Variants in EPHB1 observed in about 807,000 individuals in gnomAD.
EPHB1 encodes the protein EPH receptor B1, also known as ephrin type-B receptor 1.
A neutral mutation model predicts 94.4 loss-of-function variants in EPHB1; 30 were observed. The observed-to-expected ratio is 0.32, with a 90% CI of 0.24 to 0.43. The LOEUF (loss-of-function observed/expected upper bound fraction) is 0.43, where lower values mean the gene tolerates loss of function less well. Ranked by LOEUF, EPHB1 falls within the 20% of genes least tolerant of loss-of-function variation. The pLI is 1.00. For synonymous variants in EPHB1, 522 were observed against 489.1 expected (o/e 1.07, Z -0.89); for missense variants, 1,055 against 1,308.3 (o/e 0.81, Z 2.99).
At chr3:135,120,508 T>C (rs1939907123) in intron 4 of EPHB1, among the ~76,000 whole-genome samples, 1 of 152,198 alleles carries the variant, frequency 6.6e-6, no homozygotes, top group South Asian at 2.1e-4. Flanking sequence ...TAGAGGGTGT[T>C]TGTCACCAGA....
chr3:134,902,739 G>C (rs62270286), intron 1 of EPHB1, among the ~76,000 whole-genome samples: 23,384 of 152,160 alleles, frequency 0.15, 2,373 homozygotes, highest in African/African-American at 0.28. Flanking sequence ...GATTATCCTA[G>C]TTTTTAGCTC....
intron 6 of EPHB1, among the ~76,000 whole-genome samples, chr3:135,160,529 T>TGGGGG (rs1423796634): frequency 1.3e-5 from 2 of 152,170 alleles, no homozygotes; most frequent in Non-Finnish European, 2.9e-5. Context: ...CACAGGGACT[T>TGGGGG]GGATCATTCC....
At chr3:134,995,571 A>G (rs1012230163) in intron 3 of EPHB1, among the ~76,000 whole-genome samples, 2 of 152,238 alleles carry the variant, frequency 1.3e-5, no homozygotes, top group African/African-American at 4.8e-5. Flanking sequence ...ACAAATTAAG[A>G]CAAATGCAAA....
intron 3 of EPHB1, among the ~76,000 whole-genome samples, chr3:135,080,377 C>A (rs1241022816): frequency 6.6e-6 from 1 of 152,200 alleles, no homozygotes; most frequent in African/African-American, 2.4e-5. Context: ...CAAACCAAAA[C>A]TCTTATGGTT....
chr3:135,173,683 C>G (rs1941885753), intron 9 of EPHB1, among the ~76,000 whole-genome samples: 1 of 152,136 alleles, frequency 6.6e-6, no homozygotes, highest in African/African-American at 2.4e-5. Flanking sequence ...AAGAAACTGC[C>G]CAGTCTTCAG....
At chr3:135,130,905 G>A (rs1940392977) in intron 4 of EPHB1, among the ~76,000 whole-genome samples, 1 of 152,156 alleles carries the variant, frequency 6.6e-6, no homozygotes, top group South Asian at 2.1e-4. Context: ...GAGTTGCGTT[G>A]ACTGCTGAGA....
chr3:134,956,344 G>T (rs891224947), intron 3 of EPHB1, among the ~76,000 whole-genome samples: 1 of 152,122 alleles, frequency 6.6e-6, no homozygotes, highest in African/African-American at 2.4e-5. Flanking sequence ...CCAGGACATA[G>T]TCCTTGGAGT....
chr3:134,831,531 C>T (rs1051807153), intron 1 of EPHB1, among the ~76,000 whole-genome samples: 1 of 152,246 alleles, frequency 6.6e-6, no homozygotes, highest in African/African-American at 2.4e-5. Context: ...GCCTATCCCA[C>T]CCCTCGGATG....
chr3:135,086,340 G>A (rs1196131046), intron 3 of EPHB1, among the ~76,000 whole-genome samples: 1 of 151,620 alleles, frequency 6.6e-6, no homozygotes, highest in Non-Finnish European at 1.5e-5. Context: ...AGTGGGGGTG[G>A]GGGAGGGTGT....
chr3:135,170,578 C>A (rs1415453423), intron 9 of EPHB1, among the ~76,000 whole-genome samples: 1 of 151,878 alleles, frequency 6.6e-6, no homozygotes, highest in African/African-American at 2.4e-5. Flanking sequence ...TTTTTGTGGG[C>A]CCGTTCTCAG....
chr3:134,925,976 G>C, intron 2 of EPHB1, 96 bp downstream of exon 2: 2 of 1,095,670 alleles, frequency 1.8e-6, no homozygotes, highest in Non-Finnish European at 2.6e-6. Context: ...AGTACCTGTG[G>C]GGAATGGAAT....
intron 5 of EPHB1, among the ~76,000 whole-genome samples, chr3:135,146,979 A>G (rs557586799): frequency 6.6e-6 from 1 of 152,338 alleles, no homozygotes; most frequent in South Asian, 2.1e-4. Flanking sequence ...TTAATAACAT[A>G]AGAATTAATA....
chr3:135,099,012 CAAAAAAAA>C (rs34508563), intron 3 of EPHB1, among the ~76,000 whole-genome samples: 13 of 64,506 alleles, frequency 2.0e-4, no homozygotes, highest in East Asian at 5.9e-4. Context: ...GACCCTGCCT[CAAAAAAAA>C]AAAAAAAAAA....
chr3:135,149,224 A>G (rs1941114212), intron 5 of EPHB1, among the ~76,000 whole-genome samples: 1 of 152,244 alleles, frequency 6.6e-6, no homozygotes, highest in Non-Finnish European at 1.5e-5. Context: ...CTAAATTTGA[A>G]TAATCTTGTG....
intron 7 of EPHB1, among the ~76,000 whole-genome samples, chr3:135,164,408 C>T (rs929245794): frequency 6.6e-6 from 1 of 152,220 alleles, no homozygotes; most frequent in Non-Finnish European, 1.5e-5. Flanking sequence ...ATACCCTGCT[C>T]TTCACCCAGA....
In EPHB1 at chr3:135,228,478, A is replaced by G. The variant is rs147148777; in HGVS notation, c.2347-12670A>G. ...GCCTTTTGCCAATTTATATTCTTGC[A>G]TAGCTTACGAGATTTGCCCATTTTC... On this transcript the variant is annotated intron_variant, in intron 12 of 15. Transcript: ENST00000398015. Among the ~76,000 whole-genome samples the G allele has an allele frequency of 1.6e-3, 249 of 152,242 alleles. 5 individuals are homozygous for G. The East Asian group carries it at 0.043, about 26-fold the overall frequency.
chr3:134,807,780 A>G (rs1423403326), intron 1 of EPHB1, among the ~76,000 whole-genome samples: 1 of 152,084 alleles, frequency 6.6e-6, no homozygotes, highest in Non-Finnish European at 1.5e-5. Context: ...AAGGATGGGG[A>G]TGTACCCAGG....
chr3:135,193,686 A>G (rs2041587861), intron 11 of EPHB1, among the ~76,000 whole-genome samples: 1 of 152,188 alleles, frequency 6.6e-6, no homozygotes, highest in Non-Finnish European at 1.5e-5. Context: ...TACCAAAGCA[A>G]CCAAACAATA....
At position 135,217,454 on chromosome 3, in the gene EPHB1, ACACACACACACACG is replaced by A. The variant is rs1167893048; in HGVS notation, c.2346+15771_2346+15784del. On this transcript the variant is annotated intron_variant, in intron 12 of 15. Transcript: ENST00000398015. The stretch of plus-strand genomic sequence containing the variant: ...CACACACACACACACACACACACAC[ACACACACACACACG>A]CACACGGGGAGAGAGAGAGAGAGAG... Among the ~76,000 whole-genome samples the A allele has an allele frequency of 7.3e-3, 1,084 of 149,302 alleles. 13 individuals carry two copies. Among genetic ancestry groups the A allele is most frequent in the African/African-American group, 0.025 (1,021 of 40,144 alleles).
Sources: allele counts gnomAD v4.1 joint callset (sites outside exome capture counted in the v4.1 genomes callset), GRCh38; gene constraint gnomAD v4.1.1; transcripts MANE v1.5; gene names NCBI Gene and HGNC (gene_info 2026-07-23, HGNC 2026-07-21).